NLN: variants seen among roughly 807,000 people sequenced by gnomAD.
NLN encodes neurolysin, mitochondrial.
Under a neutral mutation model 79.9 loss-of-function variants are expected in NLN, and 64 were observed. That is an observed-to-expected ratio of 0.80 (90% confidence interval 0.65 to 0.99). NLN has a LOEUF of 0.99. Ranked by LOEUF, NLN falls within the 50% of genes least tolerant of loss-of-function variation. The pLI, the probability that NLN is intolerant of heterozygous loss-of-function variation, is 0.00. For missense variants in NLN, 835 were observed against 858.7 expected, an observed-to-expected ratio of 0.97 and a Z score of 0.34; for synonymous variants, 267 against 296.6, an observed-to-expected ratio of 0.90 and a Z score of 1.02.
chr5:65,810,839 G>GAAAAA (rs1760528744), intron 11 of NLN, among the ~76,000 whole-genome samples: 1 of 152,080 alleles, frequency 6.6e-6, no homozygotes, highest in South Asian at 2.1e-4. Flanking sequence ...TTAGCCAGGT[G>GAAAAA]TGGTGGTGTA....
Position 65,809,695 on chromosome 5 carries a change from A to C in NLN, c.1708A>C (p.Asn570His), listed in dbSNP as rs769667265. ...AAAACTTGTTGCTTCTAGGCTGGTC[A>C]ACACAGGTATGACTTCTAATTTTAA... ...LEKLVASRLV[N>H]TGLLTLRQIV... Residue 570 changes from asparagine (N) to histidine (H), a missense_variant, in exon 10 of 13, where the codon AAC becomes CAC. Coordinates refer to ENST00000380985, the MANE Select transcript of NLN (RefSeq NM_020726.5). 6.3e-7 allele frequency: 1 copy of C among 1,588,060 alleles called. No homozygotes were observed. The highest frequency in any genetic ancestry group is 8.5e-7 in the Non-Finnish European group (1 of 1,170,712).
At chr5:65,726,111 CA>C (rs60073030) in intron 1 of NLN, among the ~76,000 whole-genome samples, 40,023 of 120,440 alleles carry the variant, frequency 0.33, 5,103 homozygotes, top group East Asian at 0.52. Flanking sequence ...GACTCCGTCT[CA>C]AAAAAAAAAA....
At chr5:65,800,083 A>G (rs1184872898) in intron 9 of NLN, among the ~76,000 whole-genome samples, 1 of 152,198 alleles carries the variant, frequency 6.6e-6, no homozygotes, top group Non-Finnish European at 1.5e-5. Flanking sequence ...CATGAGCACA[A>G]TACACTTATT....
chr5:65,756,653 T>TTTG (rs1759226766), intron 1 of NLN, among the ~76,000 whole-genome samples: 1 of 152,124 alleles, frequency 6.6e-6, no homozygotes, highest in African/African-American at 2.4e-5. Flanking sequence ...GGGGGAGTTT[T>TTTG]TTGTTGTTGT....
intron 3 of NLN, 25 bp from the exon 4 acceptor site, chr5:65,777,402 T>C: frequency 2.1e-6 from 3 of 1,435,360 alleles, no homozygotes; most frequent in African/African-American, 1.4e-5. Flanking sequence ...TCAACCGAAA[T>C]GGTTTTCATG....
At chr5:65,740,498 C>T (rs1204254733) in intron 1 of NLN, among the ~76,000 whole-genome samples, 2 of 152,154 alleles carry the variant, frequency 1.3e-5, no homozygotes, top group Non-Finnish European at 2.9e-5. Context: ...TCAAAGGGAA[C>T]AAGCATTCAA....
intron 12 of NLN, among the ~76,000 whole-genome samples, chr5:65,819,756 C>T (rs1327534611): frequency 6.6e-6 from 1 of 152,142 alleles, no homozygotes; most frequent in Non-Finnish European, 1.5e-5. Flanking sequence ...CAAAGACTCC[C>T]TCCACCTGTG....
chr5:65,743,042 A>G (rs1321552341), intron 1 of NLN, among the ~76,000 whole-genome samples: 1 of 152,252 alleles, frequency 6.6e-6, no homozygotes, highest in Non-Finnish European at 1.5e-5. Flanking sequence ...GCCAAGAAAT[A>G]CAAAAATGAC....
At chr5:65,789,213 G>T (rs929694020) in intron 8 of NLN, among the ~76,000 whole-genome samples, 1 of 152,154 alleles carries the variant, frequency 6.6e-6, no homozygotes, top group Non-Finnish European at 1.5e-5. Flanking sequence ...TAAAATGTGG[G>T]TCTGAAGCCA....
At position 65,823,168 on chromosome 5, in the gene NLN, T is replaced by C. The variant is rs959496178; in HGVS notation, c.*253T>C. On this transcript the variant is annotated 3_prime_UTR_variant, in exon 13 of 13. Coordinates refer to ENST00000380985, the MANE Select transcript of NLN (RefSeq NM_020726.5). ...GATTTGATTTCTTTTTATGAAAGTTTCATATGAATGTAACTTGATTTTTTA... is the reference window on the plus strand; with the variant it reads ...GATTTGATTTCTTTTTATGAAAGTTCCATATGAATGTAACTTGATTTTTTA... 17 of 373,644 alleles carry C rather than the reference T, an allele frequency of 4.5e-5. No homozygotes were observed. The highest frequency in any genetic ancestry group is 1.5e-3 in the Middle Eastern group (2 of 1,356). 23.1% of individuals were successfully genotyped at this position (373,644 alleles called of 1,614,324 possible).
At chr5:65,750,048 C>G (rs1019216656) in intron 1 of NLN, among the ~76,000 whole-genome samples, 14 of 152,266 alleles carry the variant, frequency 9.2e-5, no homozygotes, top group African/African-American at 3.1e-4. Context: ...AGAGAAGACA[C>G]CTAGGAACCT....
Position 65,777,430 on chromosome 5 carries a change from A to G in NLN, c.454A>G (p.Thr152Ala). 6.2e-7 allele frequency: 1 copy of G among 1,603,182 alleles called. No homozygotes were observed. The highest frequency in any genetic ancestry group is 8.5e-7 in the Non-Finnish European group (1 of 1,171,002). The change falls in exon 4 of 13, where the codon ACC becomes GCC. Residue 152 changes from threonine (T) to alanine (A), a missense_variant. Physicochemically the swap from Thr to Ala is moderately conservative, Grantham distance 58. Transcript: ENST00000380985. ...TTTTCATGCTCTTTAATTTCAGGAAACCTGTGATCTGGGGAAGATAAAACC... is the reference window on the plus strand; with the variant it reads ...TTTTCATGCTCTTTAATTTCAGGAAGCCTGTGATCTGGGGAAGATAAAACC... ...IFERIVHLQE[T>A]CDLGKIKPEA...
At chr5:65,751,528 AAAAC>A (rs1365247476) in intron 1 of NLN, among the ~76,000 whole-genome samples, 2 of 152,200 alleles carry the variant, frequency 1.3e-5, no homozygotes, top group African/African-American at 4.8e-5. Context: ...TTTAGAATAT[AAAAC>A]AAACTAATTG....
At chr5:65,754,568 T>A (rs1759178133) in intron 1 of NLN, among the ~76,000 whole-genome samples, 1 of 152,166 alleles carries the variant, frequency 6.6e-6, no homozygotes, top group Non-Finnish European at 1.5e-5. Context: ...TGTCCTATGG[T>A]AAATAAACTC....
Position 65,824,642 on chromosome 5 carries a change from T to C in NLN, c.*1727T>C, listed in dbSNP as rs1207654240. 2.0e-5 allele frequency: 3 copies of C among 152,204 alleles called. No individual in the cohort carries two copies. The highest frequency in any genetic ancestry group is 3.8e-4 in the East Asian group (2 of 5,204). 9.4% of individuals were successfully genotyped at this position (152,204 alleles called of 1,614,324 possible). ...TTATTTCATAGAAAAACTAAATTGG[T>C]GTGGAAAGGCTGCACACAATAAAGT... On this transcript the variant is annotated 3_prime_UTR_variant, in exon 13 of 13. Coordinates refer to ENST00000380985, the MANE Select transcript of NLN (RefSeq NM_020726.5).
intron 1 of NLN, among the ~76,000 whole-genome samples, chr5:65,744,078 C>T (rs139863943): frequency 1.3e-4 from 20 of 152,280 alleles, no homozygotes; most frequent in African/African-American, 4.6e-4. Context: ...TTTTTAGAGA[C>T]AGGGTCTTAC....
At chr5:65,810,280 TA>T (rs1340512273) in intron 11 of NLN, 115 bp downstream of exon 11, 26 of 899,432 alleles carry the variant, frequency 2.9e-5, no homozygotes, top group Non-Finnish European at 4.5e-5. Context: ...CTGATTTCTG[TA>T]ATCAGGCCAT....
In NLN at chr5:65,792,485, G is replaced by C. The variant is rs758153412; in HGVS notation, c.1357G>C (p.Gly453Arg). ...EGKYNHAACF[G>R]LQPGCLLPDG... Reference sequence around the variant, plus strand: ...AAAATACAATCATGCGGCCTGCTTCGGTCTCCAGCCTGGCTGCCTTCTGCC... The same window carrying C: ...AAAATACAATCATGCGGCCTGCTTCCGTCTCCAGCCTGGCTGCCTTCTGCC... The change falls in exon 9 of 13, where the codon GGT becomes CGT. Residue 453 changes from glycine (G) to arginine (R), a missense_variant. Gly to Arg is a moderately radical substitution (Grantham distance 125). Coordinates refer to ENST00000380985, the MANE Select transcript of NLN (RefSeq NM_020726.5). The C allele has an allele frequency of 5.5e-5, 88 of 1,613,998 alleles. No homozygotes were observed. The highest frequency in any genetic ancestry group is 7.3e-5 in the Non-Finnish European group (86 of 1,179,962).
chr5:65,805,322 G>A (rs952486815), intron 9 of NLN, among the ~76,000 whole-genome samples: 1 of 152,198 alleles, frequency 6.6e-6, no homozygotes, highest in African/African-American at 2.4e-5. Context: ...CAAACTTCAC[G>A]AGGGAGGCAT....
Sources: allele counts gnomAD v4.1 joint callset (sites outside exome capture counted in the v4.1 genomes callset), GRCh38; gene constraint gnomAD v4.1.1; transcripts MANE v1.5; gene names NCBI Gene and HGNC (gene_info 2026-07-23, HGNC 2026-07-21).